Variants in HOMER2 observed in about 807,000 individuals in gnomAD.
HOMER2 encodes the protein homer protein homolog 2.
Under a neutral mutation model 47.0 loss-of-function variants are expected in HOMER2, and 27 were observed. The ratio of observed to expected loss-of-function variants is 0.57; its 90% CI spans 0.42 to 0.79. The LOEUF (loss-of-function observed/expected upper bound fraction) is 0.79. HOMER2 is among the 30% of genes least tolerant of loss of function. The pLI is 0.00. For synonymous variants in HOMER2, 161 were observed against 163.8 expected (o/e 0.98, Z 0.13); for missense variants, 443 against 435.0 (o/e 1.02, Z -0.16).
chr15:82,915,816 C>T (rs747972534), intron 1 of HOMER2, among the ~76,000 whole-genome samples: 3 of 152,138 alleles, frequency 2.0e-5, no homozygotes, highest in East Asian at 3.8e-4. Flanking sequence ...TTATTAAAAA[C>T]AAAAACAAAC....
chr15:82,959,239 A>T (rs1369774058), exon 2 of HOMER2: 1 of 152,394 alleles, frequency 6.6e-6, no homozygotes, highest in African/African-American at 2.4e-5. Flanking sequence ...TGATTGGCTC[A>T]GTCTGGGCTG....
At chr15:82,904,147 C>CA (rs1334331559) in intron 1 of HOMER2, among the ~76,000 whole-genome samples, 2 of 152,056 alleles carry the variant, frequency 1.3e-5, no homozygotes, top group African/African-American at 2.4e-5. Context: ...AACAAAAAAA[C>CA]AAAAAACACG....
intron 1 of HOMER2, among the ~76,000 whole-genome samples, chr15:82,973,047 A>G (rs1029095116): frequency 6.6e-6 from 1 of 152,178 alleles, no homozygotes; most frequent in Non-Finnish European, 1.5e-5. Context: ...AGCTTCAGGA[A>G]TAAGTCAAAG....
At chr15:82,874,149 T>C (rs889271141) in intron 3 of HOMER2, among the ~76,000 whole-genome samples, 2 of 152,182 alleles carry the variant, frequency 1.3e-5, no homozygotes, top group Admixed American at 6.5e-5. Flanking sequence ...GTGCTGAGGA[T>C]GGTGTCAGCA....
At chr15:82,950,677 C>G (rs1030507320) in intron 1 of HOMER2, among the ~76,000 whole-genome samples, 4 of 152,126 alleles carry the variant, frequency 2.6e-5, no homozygotes, top group Admixed American at 6.5e-5. Context: ...TACAAACCAG[C>G]CTTTATCTAC....
exon 2 of HOMER2, chr15:82,843,903 C>G (rs538076739): frequency 1.3e-5 from 2 of 152,272 alleles, no homozygotes; most frequent in East Asian, 3.9e-4. Flanking sequence ...CCAATTAACC[C>G]TGAAACCCCA....
intron 8 of HOMER2, among the ~76,000 whole-genome samples, chr15:82,850,674 G>A (rs1420325090): frequency 6.6e-6 from 1 of 152,204 alleles, no homozygotes; most frequent in African/African-American, 2.4e-5. Flanking sequence ...AGCGCCGTGT[G>A]CATATCAGAG....
chr15:82,914,065 C>T (rs1281256426), intron 1 of HOMER2, among the ~76,000 whole-genome samples: 4 of 152,034 alleles, frequency 2.6e-5, no homozygotes, highest in African/African-American at 4.8e-5. Context: ...CGGCCAGGTG[C>T]GGTGGCTTAT....
chr15:82,865,526 A>C (rs1437291577), intron 3 of HOMER2, among the ~76,000 whole-genome samples: 1 of 152,258 alleles, frequency 6.6e-6, no homozygotes, highest in Non-Finnish European at 1.5e-5. Context: ...AGGAGCTCCA[A>C]GTGTATCTAA....
In HOMER2 at chr15:82,984,602, T is replaced by C. The variant is rs191120400; in HGVS notation, n.82+1185A>G. On this transcript the variant is annotated intron_variant and non_coding_transcript_variant, in intron 1 of 1. Coordinates refer to the HOMER2 transcript ENST00000500334. ...GGGAGGCTGAGGTGGGTGGACTGCT[T>C]GAGCCCAGAGTTCGAGACCAGACTG... is the stretch of plus-strand genomic sequence containing the variant. 2.0e-5 allele frequency among the ~76,000 whole-genome samples: 3 copies of C among 152,304 alleles called. No individual in the cohort carries two copies. The East Asian group carries it at 5.8e-4, about 29-fold the overall frequency.
At chr15:82,854,474 TAAGA>T (rs1242290613) in intron 6 of HOMER2, among the ~76,000 whole-genome samples, 166 bp downstream of exon 6, 5 of 151,724 alleles carry the variant, frequency 3.3e-5, no homozygotes, top group African/African-American at 1.2e-4. Flanking sequence ...AAATTCCTAC[TAAGA>T]AAGGCAGGGA....
intron 1 of HOMER2, among the ~76,000 whole-genome samples, chr15:82,969,422 C>T (rs1336645263): frequency 6.6e-6 from 1 of 152,162 alleles, no homozygotes; most frequent in African/African-American, 2.4e-5. Flanking sequence ...AGGGCGGATG[C>T]GGGGATCTAC....
intron 3 of HOMER2, among the ~76,000 whole-genome samples, chr15:82,865,441 C>T (rs1383994338): frequency 1.3e-5 from 2 of 151,988 alleles, no homozygotes; most frequent in African/African-American, 2.4e-5. Flanking sequence ...AGTGAATGAA[C>T]GAGTTTTAGG....
intron 1 of HOMER2, among the ~76,000 whole-genome samples, chr15:82,969,853 C>G (rs1391796410): frequency 6.6e-6 from 1 of 152,154 alleles, no homozygotes; most frequent in Non-Finnish European, 1.5e-5. Flanking sequence ...AAATAAAAAA[C>G]TCTATAAATG....
At chr15:82,840,427 G>C (rs183627032) in exon 2 of HOMER2, 1 of 152,230 alleles carries the variant, frequency 6.6e-6, no homozygotes, top group Admixed American at 6.5e-5. Flanking sequence ...CAACAAATCT[G>C]AAAATAGAAC....
chr15:82,860,190 C>T (rs371652515), intron 4 of HOMER2, among the ~76,000 whole-genome samples: 5 of 152,016 alleles, frequency 3.3e-5, no homozygotes, highest in African/African-American at 9.7e-5. Context: ...GAGCTGAGAT[C>T]GTGCCACTGC....
chr15:82,889,190 G>C (rs990896795), intron 2 of HOMER2, among the ~76,000 whole-genome samples: 1 of 152,218 alleles, frequency 6.6e-6, no homozygotes, highest in Non-Finnish European at 1.5e-5. Flanking sequence ...TGTCATCATG[G>C]TTCAGATCAA....
downstream of HOMER2, chr15:82,845,109 A>G (rs1029228950): frequency 9.8e-5 from 15 of 152,362 alleles, no homozygotes; most frequent in East Asian, 2.9e-3. Context: ...ATTCCAGAAC[A>G]TAGATCACCA....
At chr15:82,912,475 T>A (rs892923448) in intron 1 of HOMER2, among the ~76,000 whole-genome samples, 2 of 152,362 alleles carry the variant, frequency 1.3e-5, no homozygotes, top group East Asian at 1.9e-4. Flanking sequence ...ACTTTTTTTT[T>A]AATCCATTCT....
Sources: gnomAD v4.1 joint callset for allele counts (sites outside exome capture counted in the v4.1 genomes callset) on GRCh38, gnomAD v4.1.1 for gene constraint, MANE v1.5 for transcripts, NCBI Gene and HGNC (gene_info 2026-07-23, HGNC 2026-07-21) for gene names.